The following TMEM170A variants were observed in gnomAD, a reference collection of about 807,000 sequenced individuals.
TMEM170A encodes transmembrane protein 170A.
TMEM170A carries 18 observed loss-of-function variants against 12.8 expected under a neutral mutation model. The observed-to-expected ratio is 1.41, with a 90% CI of 0.97 to 2.09. The LOEUF is 2.09. Among genes scored for constraint, TMEM170A ranks in the 30% most tolerant of loss-of-function variants. The pLI, the probability that TMEM170A is intolerant of heterozygous loss-of-function variation, is 0.00. For synonymous variants in TMEM170A, 107 were observed against 76.2 expected, an observed-to-expected ratio of 1.40 and a Z score of -2.11; for missense variants, 220 against 179.9, an observed-to-expected ratio of 1.22 and a Z score of -1.28.
At chr16:75,452,925 AC>A (rs1332249060) in intron 1 of TMEM170A, among the ~76,000 whole-genome samples, 1 of 152,148 alleles carries the variant, frequency 6.6e-6, no homozygotes, top group Non-Finnish European at 1.5e-5. Flanking sequence ...AGTTTTGCAC[AC>A]ACATACTTAT....
chr16:75,450,820 A>G (rs1008502906), intron 2 of TMEM170A, among the ~76,000 whole-genome samples: 2 of 152,030 alleles, frequency 1.3e-5, no homozygotes, highest in African/African-American at 4.8e-5. Flanking sequence ...CACCACACTC[A>G]GCTAAATTTT....
intron 1 of TMEM170A, among the ~76,000 whole-genome samples, chr16:75,456,233 G>C (rs981728501): frequency 6.6e-5 from 10 of 151,762 alleles, no homozygotes; most frequent in Admixed American, 5.9e-4. Context: ...GTCTTGTTTT[G>C]GATAAATGGT....
At chr16:75,455,143 G>A (rs573271433) in intron 1 of TMEM170A, among the ~76,000 whole-genome samples, 6 of 152,232 alleles carry the variant, frequency 3.9e-5, no homozygotes, top group African/African-American at 1.2e-4. Context: ...AGATCACGAG[G>A]TCAGAAGATT....
intron 1 of TMEM170A, among the ~76,000 whole-genome samples, chr16:75,453,732 C>T (rs555149980): frequency 1.2e-4 from 19 of 152,286 alleles, no homozygotes; most frequent in African/African-American, 4.6e-4. Flanking sequence ...GGCAGGTAAA[C>T]AACAGTGCAG....
chr16:75,451,433 A>C (rs1455932881), intron 2 of TMEM170A: 1 of 600,480 alleles, frequency 1.7e-6, no homozygotes, highest in African/African-American at 1.9e-5. Flanking sequence ...CCTGTAGTCC[A>C]AGCTTCTTGG....
At chr16:75,453,722 G>C (rs1184988692) in intron 1 of TMEM170A, among the ~76,000 whole-genome samples, 1 of 152,178 alleles carries the variant, frequency 6.6e-6, no homozygotes, top group Non-Finnish European at 1.5e-5. Flanking sequence ...GAAGACAAAT[G>C]GCAGGTAAAC....
At chr16:75,448,100 T>C (rs1346402134) in intron 2 of TMEM170A, among the ~76,000 whole-genome samples, 2 of 152,200 alleles carry the variant, frequency 1.3e-5, no homozygotes, top group East Asian at 3.8e-4. Context: ...AAAAAGGATC[T>C]TTTGAGTTAG....
In TMEM170A at chr16:75,444,787, C is replaced by G. The variant is rs2079556372; in HGVS notation, c.*2771G>C. On this transcript the variant is annotated 3_prime_UTR_variant, in exon 3 of 3. Coordinates refer to ENST00000561878, the MANE Select transcript of TMEM170A (RefSeq NM_145254.3). The stretch of plus-strand genomic sequence containing the variant: ...TGAAACACTCAGTAATTTGAAGATA[C>G]CTTTTATACGTTTAGTTTTTTAAAA... The G allele has an allele frequency of 6.6e-6, 1 of 152,014 alleles. No homozygotes were observed. Among genetic ancestry groups the G allele is most frequent in the South Asian group, 2.1e-4 (1 of 4,822 alleles). The allele number at this position is 152,014 out of a possible 1,614,324, so 9.4% of individuals were successfully genotyped here. A position where few individuals can be genotyped will look rare whatever the true frequency, so the allele number is the denominator to read the frequency against.
At chr16:75,461,936 T>A (rs945796731) in intron 1 of TMEM170A, among the ~76,000 whole-genome samples, 12 of 152,312 alleles carry the variant, frequency 7.9e-5, no homozygotes, top group Admixed American at 3.3e-4. Flanking sequence ...ATTAAACCTA[T>A]CCCAAATCCA....
intron 1 of TMEM170A, among the ~76,000 whole-genome samples, chr16:75,457,171 A>G (rs1183571887): frequency 6.6e-6 from 1 of 152,156 alleles, no homozygotes; most frequent in Non-Finnish European, 1.5e-5. Context: ...AGAGTTTTAG[A>G]GAGAAGCTCT....
intron 1 of TMEM170A, chr16:75,458,144 T>C (rs1213436623): frequency 6.6e-6 from 1 of 152,238 alleles, no homozygotes; most frequent in East Asian, 1.9e-4. Flanking sequence ...TCTTACAGTA[T>C]TTATTTGTTC....
intron 1 of TMEM170A, among the ~76,000 whole-genome samples, chr16:75,457,094 G>C (rs2079812506): frequency 6.6e-6 from 1 of 152,120 alleles, no homozygotes; most frequent in South Asian, 2.1e-4. Flanking sequence ...CCTGGCTGCT[G>C]TCTGCCCCAT....
Position 75,464,489 on chromosome 16 carries a change from T to C in TMEM170A, c.112A>G (p.Thr38Ala), listed in dbSNP as rs371716470. 5 of 1,567,220 alleles carry C rather than the reference T, an allele frequency of 3.2e-6. No individual in the cohort carries two copies. Among genetic ancestry groups the C allele is most frequent in the Admixed American group, 3.8e-5 (2 of 53,102 alleles). The change falls in exon 1 of 3, where the codon ACT becomes GCT. Residue 38 changes from threonine to alanine, a missense_variant. Transcript: ENST00000561878. ...VGNGTLCPNS[T>A]SLCSFPEMWY... The stretch of plus-strand genomic sequence containing the variant: ...GTACCTGGGAAGGAGCAGAGGGAAG[T>C]AGAGTTGGGGCACAGGGTCCCGTTG...
rs1485553497 is a variant in TMEM170A, at chr16:75,446,495, T to C, written c.*1063A>G. On this transcript the variant is annotated 3_prime_UTR_variant, in exon 3 of 3. Transcript: ENST00000561878. ...AAATGTAAAGGGGAGAGTGGGTACA[T>C]ATCTGAACATTAAACTTTAGGCACT... 1 of 152,200 alleles carries C rather than the reference T, an allele frequency of 6.6e-6. No individual in the cohort carries two copies. The highest frequency in any genetic ancestry group is 1.5e-5 in the Non-Finnish European group (1 of 68,028). The allele number at this position is 152,200 out of a possible 1,614,324, so 9.4% of individuals were successfully genotyped here.
At chr16:75,462,622 C>G (rs2079927501) in intron 1 of TMEM170A, among the ~76,000 whole-genome samples, 1 of 152,194 alleles carries the variant, frequency 6.6e-6, no homozygotes, top group South Asian at 2.1e-4. Context: ...TCTAATGAAC[C>G]TAGATTGTAA....
At chr16:75,456,479 C>T (rs2079799524) in intron 1 of TMEM170A, among the ~76,000 whole-genome samples, 1 of 152,124 alleles carries the variant, frequency 6.6e-6, no homozygotes, top group Admixed American at 6.5e-5. Context: ...CCTGGCGACT[C>T]AGGAGTCTTC....
chr16:75,447,414 A>T lies in TMEM170A; in HGVS notation c.*144T>A, dbSNP rs1033040962. On this transcript the variant is annotated 3_prime_UTR_variant, in exon 3 of 3. Transcript: ENST00000561878. ...ATTCTAGGAGCTTCAAAATGAAGAA[A>T]AGGCTGAGATGTGTTGTCCTTCATG... 5 of 875,600 alleles carry T rather than the reference A, an allele frequency of 5.7e-6. No homozygotes were observed. Among genetic ancestry groups the T allele is most frequent in the Non-Finnish European group, 4.7e-6 (3 of 632,894 alleles). 54.2% of individuals were successfully genotyped at this position (875,600 alleles called of 1,614,324 possible).
intron 1 of TMEM170A, among the ~76,000 whole-genome samples, chr16:75,455,256 C>G (rs1339171028): frequency 1.3e-5 from 2 of 149,856 alleles, no homozygotes; most frequent in African/African-American, 4.9e-5. Context: ...ACTTGGGAGG[C>G]TGAGGCAGGA....
Position 75,446,373 on chromosome 16 carries a change from G to T in TMEM170A, c.*1185C>A, listed in dbSNP as rs2079586998. ...TTCAGGCCTTTTAATGAAAAAGAAA[G>T]TTAGGCAGTAGAATAAAAATTTAAA... On this transcript the variant is annotated 3_prime_UTR_variant, in exon 3 of 3. Transcript: ENST00000561878. The T allele has an allele frequency of 6.6e-6, 1 of 151,940 alleles. No individual in the cohort carries two copies. The highest frequency in any genetic ancestry group is 2.4e-5 in the African/African-American group (1 of 41,370). The allele number at this position is 151,940 out of a possible 1,614,324, so 9.4% of individuals were successfully genotyped here.
Sources: allele counts gnomAD v4.1 joint callset (sites outside exome capture counted in the v4.1 genomes callset), GRCh38; gene constraint gnomAD v4.1.1; transcripts MANE v1.5; gene names NCBI Gene and HGNC (gene_info 2026-07-23, HGNC 2026-07-21).